The following TYRO3 variants were observed in gnomAD, a reference collection of about 807,000 sequenced individuals.
TYRO3 encodes the protein TYRO3 protein tyrosine kinase, also known as tyrosine-protein kinase receptor TYRO3.
TYRO3 carries 38 observed loss-of-function variants against 95.2 expected under a neutral mutation model. The ratio of observed to expected loss-of-function variants is 0.40; its 90% CI spans 0.31 to 0.52. The LOEUF is 0.52. TYRO3 is among the 20% of genes least tolerant of loss of function. The pLI, the probability that TYRO3 is intolerant of heterozygous loss-of-function variation, is 0.56. For missense variants in TYRO3, 812 were observed against 1,116.4 expected, an observed-to-expected ratio of 0.73 and a Z score of 3.89; for synonymous variants, 367 against 432.9, an observed-to-expected ratio of 0.85 and a Z score of 1.89.
At position 41,559,229 on chromosome 15, in the gene TYRO3, G is replaced by C. The variant is rs899759913; in HGVS notation, c.-29G>C. Reference sequence around the variant, plus strand: ...CCTCCTCCCTCCTCGCTCGCGGGCCGGGCCCGGCATGGTGCGGCGTCGCCG... The same window carrying C: ...CCTCCTCCCTCCTCGCTCGCGGGCCCGGCCCGGCATGGTGCGGCGTCGCCG... On this transcript the variant is annotated 5_prime_UTR_variant, in exon 1 of 19. Coordinates refer to ENST00000263798, the MANE Select transcript of TYRO3 (RefSeq NM_006293.4). 3.1e-6 allele frequency: 1 copy of C among 323,610 alleles called. No homozygotes were observed. The highest frequency in any genetic ancestry group is 5.3e-6 in the Non-Finnish European group (1 of 187,878). The allele number at this position is 323,610 out of a possible 1,614,324, so 20.0% of individuals were successfully genotyped here. A position where few individuals can be genotyped will look rare whatever the true frequency, so the allele number is the denominator to read the frequency against.
chr15:41,571,972 G>A (rs2140831397), intron 14 of TYRO3, among the ~76,000 whole-genome samples: 1 of 151,064 alleles, frequency 6.6e-6, no homozygotes, highest in Non-Finnish European at 1.5e-5. Context: ...AGCCTGGGCA[G>A]TATAGCAACA....
intron 6 of TYRO3, among the ~76,000 whole-genome samples, chr15:41,565,625 C>T (rs970971781): frequency 1.4e-5 from 2 of 140,958 alleles, no homozygotes; most frequent in Non-Finnish European, 1.5e-5. Context: ...ACTAGTAGTT[C>T]ACCATATTAG....
At chr15:41,572,335 TA>T in intron 14 of TYRO3, 107 bp from the exon 15 acceptor site, 2 of 1,464,530 alleles carry the variant, frequency 1.4e-6, no homozygotes, top group Non-Finnish European at 1.8e-6. Context: ...AAAAAATAAA[TA>T]GCAGAGCCAG....
chr15:41,559,543 C>A (rs1436528593), intron 1 of TYRO3, among the ~76,000 whole-genome samples, 162 bp downstream of exon 1: 1 of 152,110 alleles, frequency 6.6e-6, no homozygotes, highest in Non-Finnish European at 1.5e-5. Flanking sequence ...GAGTGCTCGC[C>A]GCCAGATCTC....
rs2055897254 is a variant in TYRO3, at chr15:41,579,220, A to AC, written c.*948dup. 1 of 152,106 alleles carries AC rather than the reference A, an allele frequency of 6.6e-6. No homozygotes were observed. Among genetic ancestry groups the AC allele is most frequent in the African/African-American group, 2.4e-5 (1 of 41,352 alleles). The allele number at this position is 152,106 out of a possible 1,614,324, so 9.4% of individuals were successfully genotyped here. ...ATGAGGGGGAATTCCTGGAACCTGG[A>AC]CCCCAGCCTTGGTGGGGGAGCCTCT... On this transcript the variant is annotated 3_prime_UTR_variant, in exon 19 of 19. Coordinates refer to ENST00000263798, the MANE Select transcript of TYRO3 (RefSeq NM_006293.4).
Position 41,560,089 on chromosome 15 carries a change from C to T in TYRO3, c.124+708C>T, listed in dbSNP as rs2055626024. Among the ~76,000 whole-genome samples the T allele has an allele frequency of 2.6e-5, 4 of 152,346 alleles. No homozygotes were observed. In the South Asian group the frequency reaches 8.3e-4, roughly 32 times the overall value. On this transcript the variant is annotated intron_variant, in intron 1 of 18. Transcript: ENST00000263798. The stretch of plus-strand genomic sequence containing the variant: ...CGGGAGGCTGGCCCCCATCCTGTGA[C>T]TGGTCCTGAGAGGGTGAAGGGAGCA...
At position 41,583,047 on chromosome 15, in the gene TYRO3, T is replaced by C. The variant is rs537480929; in HGVS notation, c.*4771T>C. On this transcript the variant is annotated 3_prime_UTR_variant, in exon 19 of 19. Transcript: ENST00000263798. Reference sequence around the variant, plus strand: ...CCTTGCTCTGTCGCCCAGGCTGGAGTGCAGTGGTGTGATCTCGGCTCACTG... The same window carrying C: ...CCTTGCTCTGTCGCCCAGGCTGGAGCGCAGTGGTGTGATCTCGGCTCACTG... 3.8e-5 allele frequency: 5 copies of C among 130,554 alleles called. No individual in the cohort carries two copies. Among genetic ancestry groups the C allele is most frequent in the Non-Finnish European group, 7.8e-5 (5 of 63,940 alleles). 8.1% of individuals were successfully genotyped at this position (130,554 alleles called of 1,614,324 possible).
Position 41,560,428 on chromosome 15 carries a change from TGCGCGC to T in TYRO3, c.125-686_125-681del, listed in dbSNP as rs150653270. Among the ~76,000 whole-genome samples, 51 of 135,304 alleles carry T rather than the reference TGCGCGC, an allele frequency of 3.8e-4. 1 individual carries two copies. Among genetic ancestry groups the T allele is most frequent in the East Asian group, 2.2e-3 (10 of 4,596 alleles). 88.8% of individuals were successfully genotyped at this position (135,304 alleles called of 152,430 possible). A position where few individuals can be genotyped will look rare whatever the true frequency, so the allele number is the denominator to read the frequency against. ...GTGTGTGTGTGTGTGTGTGTGTGTG[TGCGCGC>T]GCGCGCGCGCGCTCGCACGCAAGTT... is the stretch of plus-strand genomic sequence containing the variant. On this transcript the variant is annotated intron_variant, in intron 1 of 18. Coordinates refer to ENST00000263798, the MANE Select transcript of TYRO3 (RefSeq NM_006293.4).
At chr15:41,575,886 C>T (rs2055853808) in intron 18 of TYRO3, among the ~76,000 whole-genome samples, 1 of 151,996 alleles carries the variant, frequency 6.6e-6, no homozygotes, top group African/African-American at 2.4e-5. Context: ...AGGCGGATCT[C>T]CTGAGGTCGG....
chr15:41,568,831 CCTT>C, intron 8 of TYRO3, 44 bp from the exon 9 acceptor site: 1 of 1,591,712 alleles, frequency 6.3e-7, no homozygotes, highest in Non-Finnish European at 8.5e-7. Flanking sequence ...CAGCTGGAGG[CCTT>C]CTCCCCAGGC....
Position 41,567,518 on chromosome 15 carries a change from C to G in TYRO3, c.942C>G (p.Pro314=). ...LGPSPYADWV[P]FQTKGLAPAS... is the part of the protein sequence containing the mutation. ...CCTCTCCCTATGCTGACTGGGTGCC[C>G]TTTCAGACCAAGGGTCTAGGTAAGG... The change falls in exon 7 of 19, where the codon CCC becomes CCG. Residue 314 remains proline, a synonymous_variant. Coordinates refer to ENST00000263798, the MANE Select transcript of TYRO3 (RefSeq NM_006293.4). The G allele has an allele frequency of 6.3e-7, 1 of 1,580,032 alleles. No homozygotes were observed. Among genetic ancestry groups the G allele is most frequent in the South Asian group, 1.2e-5 (1 of 83,986 alleles).
At chr15:41,560,022 G>C (rs985240218) in intron 1 of TYRO3, among the ~76,000 whole-genome samples, 12 of 152,182 alleles carry the variant, frequency 7.9e-5, no homozygotes, top group Non-Finnish European at 1.5e-4. Flanking sequence ...TGCTCTCCAA[G>C]TTCCCACCCC....
At chr15:41,559,958 C>G (rs571640841) in intron 1 of TYRO3, among the ~76,000 whole-genome samples, 2 of 152,202 alleles carry the variant, frequency 1.3e-5, no homozygotes, top group Admixed American at 6.5e-5. Context: ...GTCTTGTGTT[C>G]CCACATAGCC....
At chr15:41,572,346 G>C in intron 14 of TYRO3, 97 bp from the exon 15 acceptor site, 4 of 1,503,338 alleles carry the variant, frequency 2.7e-6, no homozygotes, top group Middle Eastern at 3.5e-4. Flanking sequence ...AGCAGAGCCA[G>C]AGCTAGAGAT....
chr15:41,583,459 T>G lies in TYRO3; in HGVS notation c.*5183T>G, dbSNP rs998154306. On this transcript the variant is annotated 3_prime_UTR_variant, in exon 19 of 19. Transcript: ENST00000263798. The stretch of plus-strand genomic sequence containing the variant: ...TTCTTGAATAATCTGTCTCCATTTC[T>G]CTATATAGCCTCATTGATCTATCTA... The G allele has an allele frequency of 6.6e-6, 1 of 152,232 alleles. No homozygotes were observed. Among genetic ancestry groups the G allele is most frequent in the Admixed American group, 6.5e-5 (1 of 15,270 alleles). 9.4% of individuals were successfully genotyped at this position (152,232 alleles called of 1,614,324 possible).
chr15:41,567,694 C>T (rs747424227), intron 7 of TYRO3, among the ~76,000 whole-genome samples, 157 bp downstream of exon 7: 72 of 152,148 alleles, frequency 4.7e-4, no homozygotes, highest in Non-Finnish European at 8.5e-4. Flanking sequence ...GTAAGTAGTT[C>T]TTGTAGGTGG....
chr15:41,577,707 G>A (rs957876906), intron 18 of TYRO3, 179 bp from the exon 19 acceptor site: 12 of 594,950 alleles, frequency 2.0e-5, no homozygotes, highest in South Asian at 8.6e-5. Context: ...GGCTGGTCTC[G>A]AACTCCTGGG....
At chr15:41,568,075 A>T in intron 7 of TYRO3, 142 bp from the exon 8 acceptor site, 1 of 1,091,878 alleles carries the variant, frequency 9.2e-7, no homozygotes, top group South Asian at 1.5e-5. Context: ...GGGTGAGAGC[A>T]GTCAGAGCTG....
In TYRO3 at chr15:41,570,036, G is replaced by T; in HGVS notation, c.1262G>T (p.Gly421Val). 5 of 1,612,830 alleles carry T rather than the reference G, an allele frequency of 3.1e-6. No homozygotes were observed. Among genetic ancestry groups the T allele is most frequent in the Non-Finnish European group, 4.2e-6 (5 of 1,180,012 alleles). The part of the protein sequence containing the change: ...VSSHDRAGQQ[G>V]PPHSRTSWVP... ...CACCTCCCTCCCACAGGCCAGCAGG[G>T]CCCTCCTCACAGCCGCACATCCTGG... is the stretch of plus-strand genomic sequence containing the variant. The change falls in exon 10 of 19, where the codon GGC becomes GTC. Residue 421 changes from glycine to valine, a missense_variant. Coordinates refer to ENST00000263798, the MANE Select transcript of TYRO3 (RefSeq NM_006293.4).
Sources: allele counts gnomAD v4.1 joint callset (sites outside exome capture counted in the v4.1 genomes callset), GRCh38; gene constraint gnomAD v4.1.1; transcripts MANE v1.5; gene names NCBI Gene and HGNC (gene_info 2026-07-23, HGNC 2026-07-21).